The following CACNA1D variants were observed in gnomAD, a reference collection of about 807,000 sequenced individuals.
The protein encoded by CACNA1D is voltage-dependent L-type calcium channel subunit alpha-1D.
Under a neutral mutation model 257.1 loss-of-function variants are expected in CACNA1D, and 55 were observed. That is an observed-to-expected ratio of 0.21 (90% CI 0.17 to 0.27). CACNA1D has a LOEUF of 0.27. Among genes scored for constraint, CACNA1D ranks in the 10% least tolerant of loss-of-function variants. CACNA1D has a pLI of 1.00. For synonymous variants in CACNA1D, 980 were observed against 1,014.9 expected, an observed-to-expected ratio of 0.97 and a Z score of 0.65; for missense variants, 1,876 against 2,784.0, an observed-to-expected ratio of 0.67 and a Z score of 7.34.
chr3:53,509,007 A>G (rs563298781), intron 3 of CACNA1D, among the ~76,000 whole-genome samples: 25 of 152,264 alleles, frequency 1.6e-4, no homozygotes, highest in Admixed American at 1.4e-3. Context: ...CCAGGAGTAG[A>G]TGTTAGCATC....
chr3:53,784,628 GTCT>G (rs2095443177), intron 39 of CACNA1D, among the ~76,000 whole-genome samples: 2 of 152,136 alleles, frequency 1.3e-5, no homozygotes, highest in South Asian at 4.1e-4. Context: ...TGGGGTGTGG[GTCT>G]TCTTCAGGTA....
intron 3 of CACNA1D, among the ~76,000 whole-genome samples, chr3:53,612,888 C>T (rs1258284296): frequency 6.6e-6 from 1 of 152,034 alleles, no homozygotes; most frequent in East Asian, 1.9e-4. Context: ...TATATTTTTC[C>T]CCAGTTTTCA....
chr3:53,679,105 A>G (rs2094403136), intron 8 of CACNA1D: 1 of 151,206 alleles, frequency 6.6e-6, no homozygotes, highest in South Asian at 2.1e-4. Context: ...CCCTGTCTCT[A>G]CTAAAAATAC....
chr3:53,680,195 G>A (rs1189749443), intron 8 of CACNA1D, among the ~76,000 whole-genome samples: 1 of 152,194 alleles, frequency 6.6e-6, no homozygotes, highest in Non-Finnish European at 1.5e-5. Context: ...CAGTGGAAAC[G>A]AGGTAAGTGA....
chr3:53,774,766 G>C lies in CACNA1D; in HGVS notation c.4202+88G>C. 1 of 779,812 alleles carries C rather than the reference G, an allele frequency of 1.3e-6. No individual in the cohort carries two copies. Among genetic ancestry groups the C allele is most frequent in the South Asian group, 1.4e-5 (1 of 71,020 alleles). 48.3% of individuals were successfully genotyped at this position (779,812 alleles called of 1,614,324 possible). A position where few individuals can be genotyped will look rare whatever the true frequency, so the allele number is the denominator to read the frequency against. On this transcript the variant is annotated intron_variant, in intron 34 of 47. Transcript: ENST00000350061. The surrounding 1 kb of genome is among the most constrained non-coding windows in gnomAD (Gnocchi z 4.3). Reference sequence around the variant, plus strand: ...GGGACGGAGGACACAGGTTATTAAAGCAGTGTGCCTTTCTCAGTTGATTGT... The same window carrying C: ...GGGACGGAGGACACAGGTTATTAAACCAGTGTGCCTTTCTCAGTTGATTGT...
Position 53,753,637 on chromosome 3 carries a change from G to A in CACNA1D, c.3741G>A (p.Val1247=). ...TTCTGAACATGGTCTTCACCGGGGT[G>A]TTCACCGTCGAGATGGTTTTGAAAG... The part of the protein sequence containing the change: ...MDILNMVFTG[V]FTVEMVLKVI... The change falls in exon 29 of 48, where the codon GTG becomes GTA. Residue 1247 remains valine, a synonymous_variant. Coordinates refer to ENST00000350061, the MANE Select transcript of CACNA1D (RefSeq NM_001128840.3). The A allele has an allele frequency of 6.2e-7, 1 of 1,613,710 alleles. No individual in the cohort carries two copies. Among genetic ancestry groups the A allele is most frequent in the Non-Finnish European group, 8.5e-7 (1 of 1,179,560 alleles).
At chr3:53,586,273 A>G (rs1452273129) in intron 3 of CACNA1D, among the ~76,000 whole-genome samples, 3 of 124,438 alleles carry the variant, frequency 2.4e-5, no homozygotes, top group South Asian at 5.4e-4. Context: ...CCTTGCCTCT[A>G]TTCTGTGTGT....
intron 3 of CACNA1D, among the ~76,000 whole-genome samples, chr3:53,617,149 G>A (rs976332743): frequency 6.6e-6 from 1 of 152,118 alleles, no homozygotes; most frequent in South Asian, 2.1e-4. Context: ...CATTCATAGC[G>A]GCTGTTGTCT....
In CACNA1D at chr3:53,800,220, A is replaced by C. The variant is rs2095529402; in HGVS notation, c.4924-29A>C. ...TGGCCCCAGGGCCCATGTGTGGTCT[A>C]ACCTGTTCTGCCATTTTCATTGATC... On this transcript the variant is annotated intron_variant, in intron 40 of 47. Transcript: ENST00000350061. The surrounding 1 kb of genome is among the most constrained non-coding windows in gnomAD (Gnocchi z 4.3). 1 of 1,507,058 alleles carries C rather than the reference A, an allele frequency of 6.6e-7. No individual in the cohort carries two copies. Among genetic ancestry groups the C allele is most frequent in the Non-Finnish European group, 9.2e-7 (1 of 1,082,132 alleles). The allele number at this position is 1,507,058 out of a possible 1,614,324, so 93.4% of individuals were successfully genotyped here. A position where few individuals can be genotyped will look rare whatever the true frequency, so the allele number is the denominator to read the frequency against.
At position 53,702,787 on chromosome 3, in the gene CACNA1D, G is replaced by A; in HGVS notation, c.1367G>A (p.Gly456Glu). Residue 456 changes from glycine to glutamate, a missense_variant, in exon 9 of 48, where the codon GGA becomes GAA. Transcript: ENST00000350061. ...ATCGATCCGGAGAATGAGGAAGAAG[G>A]AGGAGAGGAAGGCAAACGAAATAGT... ...EDIDPENEEE[G>E]GEEGKRNTSM... 6.2e-7 allele frequency: 1 copy of A among 1,614,234 alleles called. No individual in the cohort carries two copies. The highest frequency in any genetic ancestry group is 8.5e-7 in the Non-Finnish European group (1 of 1,180,046).
At chr3:53,743,851 G>A (rs1017865186) in intron 22 of CACNA1D, among the ~76,000 whole-genome samples, 2 of 152,070 alleles carry the variant, frequency 1.3e-5, no homozygotes, top group Non-Finnish European at 2.9e-5. Context: ...AAAGAGAAGT[G>A]GAAAGGACCT....
chr3:53,513,586 A>G (rs2091210529), intron 3 of CACNA1D, among the ~76,000 whole-genome samples: 1 of 152,228 alleles, frequency 6.6e-6, no homozygotes, highest in African/African-American at 2.4e-5. Flanking sequence ...GTAAGCCGAG[A>G]TTGTGCCACT....
At chr3:53,637,882 C>T (rs1325748367) in intron 3 of CACNA1D, among the ~76,000 whole-genome samples, 3 of 152,182 alleles carry the variant, frequency 2.0e-5, no homozygotes, top group Non-Finnish European at 4.4e-5. Flanking sequence ...CTTGGTAATA[C>T]TAAAGCAATG....
intron 3 of CACNA1D, among the ~76,000 whole-genome samples, chr3:53,629,789 C>G (rs74800517): frequency 0.02 from 3,010 of 152,208 alleles, 104 homozygotes; most frequent in African/African-American, 0.068. Flanking sequence ...CTTTGAGCCC[C>G]GATGTATAAA....
chr3:53,581,904 G>A (rs2093139188), intron 3 of CACNA1D, among the ~76,000 whole-genome samples: 1 of 152,226 alleles, frequency 6.6e-6, no homozygotes. Flanking sequence ...CTCAGAATCA[G>A]GATAGCATCT....
intron 38 of CACNA1D, among the ~76,000 whole-genome samples, chr3:53,780,816 G>C (rs1421815627): frequency 6.6e-6 from 1 of 152,190 alleles, no homozygotes; most frequent in Non-Finnish European, 1.5e-5. Context: ...GGGGAGGTGG[G>C]AGGTGGAGAC....
intron 8 of CACNA1D, among the ~76,000 whole-genome samples, chr3:53,688,203 T>C (rs1158309044): frequency 6.6e-6 from 1 of 152,230 alleles, no homozygotes; most frequent in Non-Finnish European, 1.5e-5. Context: ...AGACTCGGCC[T>C]TGGGTGGAGG....
chr3:53,625,690 A>G (rs17053279), intron 3 of CACNA1D, among the ~76,000 whole-genome samples: 8,263 of 152,304 alleles, frequency 0.054, 737 homozygotes, highest in African/African-American at 0.19. Context: ...TGTGTTGGGA[A>G]TAGACAAGGA....
At chr3:53,610,279 CT>C (rs1301983664) in intron 3 of CACNA1D, among the ~76,000 whole-genome samples, 4 of 152,138 alleles carry the variant, frequency 2.6e-5, no homozygotes, top group Admixed American at 2.6e-4. Flanking sequence ...TAGTGCTATT[CT>C]TTTGTATACA....
Sources: gnomAD v4.1 joint callset for allele counts (sites outside exome capture counted in the v4.1 genomes callset) on GRCh38, gnomAD v4.1.1 for gene constraint, Gnocchi (gnomAD v3.1) non-coding constraint, MANE v1.5 for transcripts, NCBI Gene and HGNC (gene_info 2026-07-23, HGNC 2026-07-21) for gene names.